Variants in BUD13 observed in about 807,000 individuals in gnomAD.
BUD13 encodes BUD13 spliceosome associated protein.
In BUD13, 47 loss-of-function variants were observed where a neutral mutation model predicts 62.5. The observed-to-expected ratio is 0.75, with a 90% confidence interval of 0.60 to 0.96. BUD13 has a LOEUF of 0.96. Ranked by LOEUF, BUD13 falls within the 40% of genes least tolerant of loss-of-function variation. The pLI, the probability that BUD13 is intolerant of heterozygous loss-of-function variation, is 0.00. For synonymous variants in BUD13, 293 were observed against 280.1 expected, an observed-to-expected ratio of 1.05 and a Z score of -0.46; for missense variants, 821 against 790.9, an observed-to-expected ratio of 1.04 and a Z score of -0.46.
chr11:116,751,411 C>G (rs1940230553), intron 9 of BUD13, among the ~76,000 whole-genome samples: 1 of 151,656 alleles, frequency 6.6e-6, no homozygotes, highest in African/African-American at 2.4e-5. Flanking sequence ...GGTGAATCAC[C>G]TGAGATGAGA....
chr11:116,761,091 T>A, intron 4 of BUD13, 139 bp from the exon 5 acceptor site: 1 of 648,670 alleles, frequency 1.5e-6, no homozygotes, highest in Non-Finnish European at 2.4e-6. Context: ...TTTGAGACAG[T>A]CTCAGGCTGG....
chr11:116,765,084 TTC>T (rs1166160796), intron 3 of BUD13, among the ~76,000 whole-genome samples: 2 of 152,176 alleles, frequency 1.3e-5, no homozygotes, highest in African/African-American at 2.4e-5. Flanking sequence ...TGCTCTCCTA[TTC>T]TGAGTCAAAG....
At chr11:116,769,939 C>T (rs1197695843) in intron 2 of BUD13, among the ~76,000 whole-genome samples, 190 bp downstream of exon 2, 2 of 151,832 alleles carry the variant, frequency 1.3e-5, no homozygotes, top group African/African-American at 2.4e-5. Flanking sequence ...TGCCTGTAAT[C>T]CCAGCTACTC....
At chr11:116,752,364 A>G (rs928481782) in intron 9 of BUD13, among the ~76,000 whole-genome samples, 4 of 152,190 alleles carry the variant, frequency 2.6e-5, no homozygotes, top group Non-Finnish European at 5.9e-5. Flanking sequence ...CAAAACTAGA[A>G]AAGATGATGA....
rs1469400922 is a variant in BUD13, at chr11:116,759,097, T to G, written c.1337A>C (p.Asp446Ala). 3 of 1,613,952 alleles carry G rather than the reference T, an allele frequency of 1.9e-6. No individual in the cohort carries two copies. Among genetic ancestry groups the G allele is most frequent in the Non-Finnish European group, 2.5e-6 (3 of 1,180,010 alleles). Residue 446 changes from aspartate (D) to alanine (A), a missense_variant, in exon 6 of 10, where the codon GAT becomes GCT. Coordinates refer to ENST00000260210, the MANE Select transcript of BUD13 (RefSeq NM_032725.4). ...QREQQELKEQ[D>A]QETMAFEAEF... ...ACCTTCAAATGCCATGGTTTCTTGATCCTGTTCCTTGAGCTCCTGCTGTTC... is the reference window on the plus strand; with the variant it reads ...ACCTTCAAATGCCATGGTTTCTTGAGCCTGTTCCTTGAGCTCCTGCTGTTC...
rs560192605 is a variant in BUD13, at chr11:116,754,464, C to G, written c.1766+2682G>C. ...TCCAAATATTTGGAATTAATGCACT[C>G]CTAAATAACCCATGGAGCAAAGAAT... On this transcript the variant is annotated intron_variant, in intron 9 of 9. Coordinates refer to ENST00000260210, the MANE Select transcript of BUD13 (RefSeq NM_032725.4). Among the ~76,000 whole-genome samples the G allele has an allele frequency of 4.3e-4, 65 of 152,202 alleles. No homozygotes were observed. In the South Asian group the frequency reaches 0.012, roughly 29 times the overall value.
chr11:116,749,328 ATAAAT>A (rs1229855104), intron 9 of BUD13, among the ~76,000 whole-genome samples: 2 of 152,254 alleles, frequency 1.3e-5, no homozygotes, highest in African/African-American at 2.4e-5. Flanking sequence ...ATTTAAACAA[ATAAAT>A]TAAAAGAACA....
chr11:116,769,144 T>C (rs1274861958), intron 2 of BUD13, among the ~76,000 whole-genome samples: 21 of 152,084 alleles, frequency 1.4e-4, no homozygotes, highest in Non-Finnish European at 3.1e-4. Flanking sequence ...TCAGAAATTC[T>C]CAGCAATGGT....
chr11:116,759,230 A>G, intron 5 of BUD13, 51 bp from the exon 6 acceptor site: 2 of 1,317,956 alleles, frequency 1.5e-6, no homozygotes, highest in African/African-American at 1.4e-5. Context: ...ATGTGACAGT[A>G]GGCTCCATGG....
At chr11:116,757,712 T>C in intron 8 of BUD13, 54 bp downstream of exon 8, 1 of 1,532,956 alleles carries the variant, frequency 6.5e-7, no homozygotes, top group Non-Finnish European at 8.8e-7. Flanking sequence ...ATCAGCATCC[T>C]AATGATTCTC....
chr11:116,750,388 T>C (rs1940212394), intron 9 of BUD13, among the ~76,000 whole-genome samples: 1 of 152,222 alleles, frequency 6.6e-6, no homozygotes, highest in African/African-American at 2.4e-5. Flanking sequence ...AAAAAGCCTG[T>C]ATTCACTATT....
intron 9 of BUD13, among the ~76,000 whole-genome samples, chr11:116,751,441 C>T (rs1940231448): frequency 6.6e-6 from 1 of 152,018 alleles, no homozygotes; most frequent in Admixed American, 6.6e-5. Context: ...CCAGCCTGGC[C>T]AACATGGTGA....
chr11:116,765,220 C>T, intron 3 of BUD13, 142 bp downstream of exon 3: 1 of 809,782 alleles, frequency 1.2e-6, no homozygotes, highest in Non-Finnish European at 2.0e-6. Flanking sequence ...TGAAGAAGTC[C>T]AACTTCCTTT....
At chr11:116,768,473 T>A (rs1479742179) in intron 2 of BUD13, among the ~76,000 whole-genome samples, 3 of 152,210 alleles carry the variant, frequency 2.0e-5, no homozygotes, top group African/African-American at 7.2e-5. Context: ...TGCATCCAAG[T>A]ATTAGCAGTT....
rs760056880 is a variant in BUD13, at chr11:116,758,385, G to A, written c.1383C>T (p.Thr461=). ...AFEAEFQYAE[T]VFRDKSGRKR... Reference sequence around the variant, plus strand: ...TACGACCAGACTTATCTCGAAATACGGTTTCAGCATATTGAAATTCAGCTG... The same window carrying A: ...TACGACCAGACTTATCTCGAAATACAGTTTCAGCATATTGAAATTCAGCTG... The change falls in exon 7 of 10, where the codon ACC becomes ACT. Residue 461 remains threonine (T), a synonymous_variant. Transcript: ENST00000260210. The A allele has an allele frequency of 1.7e-5, 28 of 1,613,736 alleles. No homozygotes were observed. The highest frequency in any genetic ancestry group is 1.6e-4 in the Middle Eastern group (1 of 6,084).
intron 2 of BUD13, among the ~76,000 whole-genome samples, chr11:116,768,923 G>A (rs1392725609): frequency 2.0e-5 from 3 of 150,874 alleles, no homozygotes; most frequent in Admixed American, 6.6e-5. Context: ...GCTGAGGCAG[G>A]AGAATGGTGT....
intron 4 of BUD13, among the ~76,000 whole-genome samples, chr11:116,761,829 A>C: frequency 6.6e-6 from 1 of 152,212 alleles, no homozygotes; most frequent in East Asian, 1.9e-4. Context: ...GCATTCTGCA[A>C]TATGTATCGA....
Position 116,762,990 on chromosome 11 carries a change from G to A in BUD13, c.599C>T (p.Pro200Leu), listed in dbSNP as rs1289107160. The change falls in exon 4 of 10, where the codon CCT (proline) becomes CTT (leucine). Residue 200 changes from proline (P) to leucine (L), a missense_variant. Pro to Leu is a moderately conservative substitution (Grantham distance 98). Around this residue, in one of 2 missense-constraint regions of BUD13, gnomAD observed 800 missense variants for 739.2 expected, o/e 1.08. Transcript: ENST00000260210. ...PRRARHDSPD[P>L]SPPRRPQHNS... ...ATGCTGAGGCCTCCTTGGGGGAGAAGGATCTGGAGAATCATGACGGGCCCT... is the reference window on the plus strand; with the variant it reads ...ATGCTGAGGCCTCCTTGGGGGAGAAAGATCTGGAGAATCATGACGGGCCCT... The A allele has an allele frequency of 6.2e-7, 1 of 1,613,676 alleles. No homozygotes were observed. Among genetic ancestry groups the A allele is most frequent in the Non-Finnish European group, 8.5e-7 (1 of 1,179,842 alleles).
Position 116,757,759 on chromosome 11 carries a change from G to A in BUD13, c.1684+7C>T. On this transcript the variant is annotated splice_region_variant and intron_variant, in intron 8 of 9. Coordinates refer to ENST00000260210, the MANE Select transcript of BUD13 (RefSeq NM_032725.4). ...CACCTCCAGCTGATGATTCCCAGAA[G>A]TCCCACCTTTTTTATTCTTGTTCTC... 1 of 1,605,502 alleles carries A rather than the reference G, an allele frequency of 6.2e-7. No homozygotes were observed. The highest frequency in any genetic ancestry group is 2.2e-5 in the East Asian group (1 of 44,834).
Sources: gnomAD v4.1 joint callset for allele counts (sites outside exome capture counted in the v4.1 genomes callset) on GRCh38, gnomAD v4.1.1 for gene constraint, gnomAD v4.1.1 regional missense constraint, MANE v1.5 for transcripts, NCBI Gene and HGNC (gene_info 2026-07-23, HGNC 2026-07-21) for gene names.